Variants in RPL19 observed in about 807,000 individuals in gnomAD.
RPL19 encodes the protein large ribosomal subunit protein eL19.
Under a neutral mutation model 25.1 loss-of-function variants are expected in RPL19, and 2 were observed. The ratio of observed to expected loss-of-function variants is 0.08; its 90% confidence interval spans 0.03 to 0.25. The LOEUF is 0.25. Among genes scored for constraint, RPL19 ranks in the 10% least tolerant of loss-of-function variants. RPL19 has a pLI of 1.00. For synonymous variants in RPL19, 89 were observed against 91.2 expected, an observed-to-expected ratio of 0.98 and a Z score of 0.14; for missense variants, 123 against 271.8, an observed-to-expected ratio of 0.45 and a Z score of 3.85.
At chr17:39,200,626 A>G in intron 1 of RPL19, 1 of 1,208,664 alleles carries the variant, frequency 8.3e-7, no homozygotes, top group Non-Finnish European at 1.0e-6. Flanking sequence ...AACGGAGCGA[A>G]CAAGACCAAG....
chr17:39,201,572 A>G (rs961330028), intron 2 of RPL19, among the ~76,000 whole-genome samples: 6 of 150,454 alleles, frequency 4.0e-5, no homozygotes, highest in Non-Finnish European at 8.9e-5. Flanking sequence ...TACTCTTTAT[A>G]TTTTATTTTA....
Position 39,202,354 on chromosome 17 carries a change from C to T in RPL19, c.150C>T (p.Ile50=), listed in dbSNP as rs1402329259. ...QIRKLIKDGL[I]IRKPVTVHSR... is the part of the protein sequence containing the mutation. ...GGAAGCTCATCAAAGATGGGCTGAT[C>T]ATCCGCAAGCCTGTGACGGTCCATT... The change falls in exon 3 of 6, where the codon ATC becomes ATT. Residue 50 remains isoleucine (I), a synonymous_variant. Transcript: ENST00000225430. The T allele has an allele frequency of 1.2e-6, 2 of 1,614,128 alleles. No homozygotes were observed. The highest frequency in any genetic ancestry group is 1.7e-6 in the Non-Finnish European group (2 of 1,180,014).
intron 2 of RPL19, among the ~76,000 whole-genome samples, chr17:39,201,829 C>T (rs2046292437): frequency 6.6e-6 from 1 of 152,196 alleles, no homozygotes; most frequent in Non-Finnish European, 1.5e-5. Flanking sequence ...ACCTCAGCCT[C>T]CCAGAGTGCT....
At chr17:39,203,217 T>A in intron 4 of RPL19, 108 bp downstream of exon 4, 1 of 1,229,934 alleles carries the variant, frequency 8.1e-7, no homozygotes, top group Non-Finnish European at 1.1e-6. Context: ...AGTCTTGCTC[T>A]GTCACCCAGG....
intron 3 of RPL19, chr17:39,202,731 G>A: frequency 1.8e-6 from 1 of 552,716 alleles, no homozygotes; most frequent in East Asian, 3.1e-5. Context: ...TGTTGCCTTG[G>A]TGCACTGCCT....
Position 39,200,482 on chromosome 17 carries a change from G to C in RPL19, c.5+133G>C, listed in dbSNP as rs952001976. 2.3e-6 allele frequency: 3 copies of C among 1,326,840 alleles called. No homozygotes were observed. The African/African-American group carries it at 4.6e-5, about 20-fold the overall frequency. The allele number at this position is 1,326,840 out of a possible 1,614,324, so 82.2% of individuals were successfully genotyped here. A position where few individuals can be genotyped will look rare whatever the true frequency, so the allele number is the denominator to read the frequency against. ...GCGGCCGGTCCCGGGGTTTGGGGTA[G>C]GCCGGAGCACTTTCGTCCCGGGCCT... On this transcript the variant is annotated intron_variant, in intron 1 of 5. Transcript: ENST00000225430.
chr17:39,200,705 A>G (rs1020577848), intron 1 of RPL19: 1 of 1,086,624 alleles, frequency 9.2e-7, no homozygotes, highest in Non-Finnish European at 1.1e-6. Flanking sequence ...ATGTAGGGCA[A>G]GCCTAGTGTA....
At position 39,200,344 on chromosome 17, in the gene RPL19, C is replaced by T. The variant is rs774175330; in HGVS notation, c.-1C>T. 16 of 1,565,842 alleles carry T rather than the reference C, an allele frequency of 1.0e-5. No individual in the cohort carries two copies. In the East Asian group the frequency reaches 1.7e-4, roughly 16 times the overall value. ...TTCCTTTCGCTGCTGCGGCCGCAGCCATGAGGTGAGGGCGAGCTGGTCTCC... is the reference window on the plus strand; with the variant it reads ...TTCCTTTCGCTGCTGCGGCCGCAGCTATGAGGTGAGGGCGAGCTGGTCTCC... On this transcript the variant is annotated 5_prime_UTR_variant, in exon 1 of 6. Coordinates refer to ENST00000225430, the MANE Select transcript of RPL19 (RefSeq NM_000981.4).
chr17:39,202,451 C>A lies in RPL19; in HGVS notation c.235+12C>A. 6.2e-7 allele frequency: 1 copy of A among 1,613,980 alleles called. No homozygotes were observed. Among genetic ancestry groups the A allele is most frequent in the South Asian group, 1.1e-5 (1 of 90,962 alleles). On this transcript the variant is annotated intron_variant, in intron 3 of 5. Coordinates refer to ENST00000225430, the MANE Select transcript of RPL19 (RefSeq NM_000981.4). ...GCACATGGGCATAGGTAAGTGTGGT[C>A]ATCTTCTCCTTAAGAAATGATAGGT...
In RPL19 at chr17:39,200,494, T is replaced by G. The variant is rs1166695102; in HGVS notation, c.5+145T>G. ...GGGGTTTGGGGTAGGCCGGAGCACT[T>G]TCGTCCCGGGCCTCCGGAGTGAGGG... On this transcript the variant is annotated intron_variant, in intron 1 of 5. Coordinates refer to ENST00000225430, the MANE Select transcript of RPL19 (RefSeq NM_000981.4). 4 of 1,306,460 alleles carry G rather than the reference T, an allele frequency of 3.1e-6. No individual in the cohort carries two copies. The African/African-American group carries it at 4.6e-5, about 15-fold the overall frequency. The allele number at this position is 1,306,460 out of a possible 1,614,324, so 80.9% of individuals were successfully genotyped here. A position where few individuals can be genotyped will look rare whatever the true frequency, so the allele number is the denominator to read the frequency against.
intron 1 of RPL19, chr17:39,200,755 C>G (rs987223183): frequency 1.3e-4 from 132 of 1,050,550 alleles, no homozygotes; most frequent in Non-Finnish European, 1.5e-4. Flanking sequence ...TGATCTCTAA[C>G]TCTTGACTCC....
chr17:39,204,013 C>G (rs1023704792), intron 4 of RPL19, 64 bp from the exon 5 acceptor site: 5 of 869,622 alleles, frequency 5.7e-6, no homozygotes, highest in Non-Finnish European at 9.8e-6. Flanking sequence ...GGTGGAGGAA[C>G]AGCTCACAAG....
At chr17:39,200,498 T>G in intron 1 of RPL19, 149 bp downstream of exon 1, 56 of 1,256,306 alleles carry the variant, frequency 4.5e-5, no homozygotes, top group South Asian at 4.8e-5. Context: ...AGCACTTTCG[T>G]CCCGGGCCTC....
At chr17:39,200,625 A>AAC (rs971130885) in intron 1 of RPL19, 20 of 1,209,588 alleles carry the variant, frequency 1.7e-5, no homozygotes, top group Non-Finnish European at 2.0e-5. Flanking sequence ...AAACGGAGCG[A>AAC]ACAAGACCAA....
chr17:39,202,298 G>C lies in RPL19; in HGVS notation c.113-19G>C. On this transcript the variant is annotated intron_variant, in intron 2 of 5. Transcript: ENST00000225430. Reference sequence around the variant, plus strand: ...GCTTGGGCCCCAGTTGACTGACCAGGTGCATTATGCTTTCCCAGGTCAGCA... The same window carrying C: ...GCTTGGGCCCCAGTTGACTGACCAGCTGCATTATGCTTTCCCAGGTCAGCA... 6.2e-7 allele frequency: 1 copy of C among 1,612,774 alleles called. No homozygotes were observed. The highest frequency in any genetic ancestry group is 8.5e-7 in the Non-Finnish European group (1 of 1,179,818).
chr17:39,203,607 C>G (rs575991716), intron 4 of RPL19, among the ~76,000 whole-genome samples: 1 of 151,894 alleles, frequency 6.6e-6, no homozygotes, highest in South Asian at 2.1e-4. Context: ...TTTCGAGGTT[C>G]AAGCACTTCA....
In RPL19 at chr17:39,200,670, C is replaced by T. The variant is rs1024807149; in HGVS notation, c.5+321C>T. The T allele has an allele frequency of 3.6e-6, 4 of 1,126,274 alleles. No homozygotes were observed. The African/African-American group carries it at 4.9e-5, about 14-fold the overall frequency. 69.8% of individuals were successfully genotyped at this position (1,126,274 alleles called of 1,614,324 possible). A position where few individuals can be genotyped will look rare whatever the true frequency, so the allele number is the denominator to read the frequency against. On this transcript the variant is annotated intron_variant, in intron 1 of 5. Coordinates refer to ENST00000225430, the MANE Select transcript of RPL19 (RefSeq NM_000981.4). ...CCTTTCTTGCTTGGCACACCCGGAGCGGAGCCGATCTCTGCTTTCACGTGA... is the reference window on the plus strand; with the variant it reads ...CCTTTCTTGCTTGGCACACCCGGAGTGGAGCCGATCTCTGCTTTCACGTGA...
chr17:39,202,845 C>CTGGA, intron 3 of RPL19, 144 bp from the exon 4 acceptor site: 1 of 898,530 alleles, frequency 1.1e-6, no homozygotes, highest in Non-Finnish European at 1.7e-6. Flanking sequence ...GGATCATCAT[C>CTGGA]TGGAAAATGG....
chr17:39,202,660 G>A, intron 3 of RPL19: 1 of 617,260 alleles, frequency 1.6e-6, no homozygotes, highest in South Asian at 2.0e-5. Flanking sequence ...CCTACACTAT[G>A]CCAAGGATTC....
Sources: allele counts gnomAD v4.1 joint callset (sites outside exome capture counted in the v4.1 genomes callset), GRCh38; gene constraint gnomAD v4.1.1; transcripts MANE v1.5; gene names NCBI Gene and HGNC (gene_info 2026-07-23, HGNC 2026-07-21).